The following NELFB variants were observed in gnomAD, a reference collection of about 807,000 sequenced individuals.
The protein encoded by NELFB is negative elongation factor complex member B, also known as negative elongation factor B.
Under a neutral mutation model 60.2 loss-of-function variants are expected in NELFB, and 34 were observed. The observed-to-expected ratio is 0.56, with a 90% confidence interval of 0.43 to 0.75. The LOEUF (loss-of-function observed/expected upper bound fraction) is 0.75, where lower values mean the gene tolerates loss of function less well. NELFB is among the 30% of genes least tolerant of loss of function. NELFB has a pLI of 0.00. For missense variants in NELFB, 770 were observed against 831.6 expected (o/e 0.93, Z 0.91); for synonymous variants, 459 against 382.1 (o/e 1.20, Z -2.35).
intron 10 of NELFB, among the ~76,000 whole-genome samples, chr9:137,270,834 G>A (rs928325946): frequency 3.9e-5 from 6 of 152,124 alleles, no homozygotes; most frequent in African/African-American, 9.7e-5. Context: ...CAGAAGGATC[G>A]CTTGAACCCG....
Position 137,263,705 on chromosome 9 carries a change from G to T in NELFB, c.927+483G>T, listed in dbSNP as rs78297524. On this transcript the variant is annotated intron_variant, in intron 5 of 12. Transcript: ENST00000343053. The stretch of plus-strand genomic sequence containing the variant: ...CTGCATCTGAGCCAGAGACCTGGCC[G>T]TTCCCGGGGACTCCCTTGCCCCGTC... 3.3e-5 allele frequency among the ~76,000 whole-genome samples: 5 copies of T among 151,912 alleles called. No individual in the cohort carries two copies. In the East Asian group the frequency reaches 5.9e-4, roughly 18 times the overall value.
At chr9:137,266,298 C>T (rs1564444548) in intron 7 of NELFB, 33 bp from the exon 8 acceptor site, 1 of 1,586,898 alleles carries the variant, frequency 6.3e-7, no homozygotes. Context: ...ACACAGCTGC[C>T]TGGGAGAGGC....
chr9:137,257,651 C>T (rs1837577095), intron 4 of NELFB, among the ~76,000 whole-genome samples: 1 of 151,920 alleles, frequency 6.6e-6, no homozygotes, highest in Non-Finnish European at 1.5e-5. Context: ...TACAGGCATG[C>T]ATCACCACGC....
At position 137,255,510 on chromosome 9, in the gene NELFB, A is replaced by G. The variant is rs1212404686; in HGVS notation, c.145A>G (p.Met49Val). 6.5e-6 allele frequency: 10 copies of G among 1,534,496 alleles called. No homozygotes were observed. In the East Asian group the frequency reaches 1.0e-4, roughly 16 times the overall value. The change falls in exon 1 of 13, where the codon ATG becomes GTG. Residue 49 changes from methionine (M) to valine (V), a missense_variant. Transcript: ENST00000343053. ...CCGGGCGGTGGCCGGGGCCTCGGCC[A>G]TGTTCGCGGGGCTGCAGGACCTGGG...
chr9:137,266,225 TG>T, intron 7 of NELFB, 105 bp from the exon 8 acceptor site: 1 of 1,009,158 alleles, frequency 9.9e-7, no homozygotes, highest in Non-Finnish European at 1.5e-6. Flanking sequence ...CGTGTGGTCC[TG>T]GCCATGGGCA....
chr9:137,262,797 T>C (rs1830465626), intron 4 of NELFB, among the ~76,000 whole-genome samples: 1 of 151,982 alleles, frequency 6.6e-6, no homozygotes, highest in African/African-American at 2.4e-5. Context: ...AGCAGTGCAC[T>C]CGAGCCTGGG....
At chr9:137,270,513 C>T (rs1830571191) in intron 10 of NELFB, among the ~76,000 whole-genome samples, 1 of 152,166 alleles carries the variant, frequency 6.6e-6, no homozygotes, top group Non-Finnish European at 1.5e-5. Flanking sequence ...TCGCTTGAAC[C>T]CAGGAGGCAG....
intron 10 of NELFB, among the ~76,000 whole-genome samples, chr9:137,267,555 C>T (rs1830536933): frequency 6.8e-6 from 1 of 147,570 alleles, no homozygotes; most frequent in African/African-American, 2.5e-5. Flanking sequence ...TGCAGTGGTG[C>T]AACCTCAGCT....
intron 3 of NELFB, 141 bp from the exon 4 acceptor site, chr9:137,256,683 G>C: frequency 1.3e-6 from 1 of 792,538 alleles, no homozygotes; most frequent in South Asian, 1.8e-5. Flanking sequence ...GACATGCTGG[G>C]GCCGGGGAAC....
intron 4 of NELFB, among the ~76,000 whole-genome samples, chr9:137,259,475 A>T (rs1348903365): frequency 1.3e-5 from 2 of 152,050 alleles, no homozygotes; most frequent in African/African-American, 4.8e-5. Context: ...CATTGCTGTC[A>T]GACAGAGCCC....
rs867700400 is a variant in NELFB, at chr9:137,264,262, C to A, written c.945C>A (p.Asp315Glu). The A allele has an allele frequency of 6.3e-7, 1 of 1,595,550 alleles. No homozygotes were observed. ...CCTTGCAGTTCACCTGGTGCCTGGA[C>A]GCCTGCATCCGAGAGCGGTTCGTGG... is the stretch of plus-strand genomic sequence containing the variant. Residue 315 changes from aspartate (D) to glutamate (E), a missense_variant, in exon 6 of 13, where the codon GAC becomes GAA. Coordinates refer to ENST00000343053, the MANE Select transcript of NELFB (RefSeq NM_015456.5).
intron 4 of NELFB, among the ~76,000 whole-genome samples, chr9:137,260,457 ATT>A (rs141243622): frequency 0.67 from 84,323 of 126,126 alleles, 27,380 homozygotes; most frequent in Admixed American, 0.76. Context: ...AGTTTGTTTT[ATT>A]TTTTTTTTTT....
At chr9:137,265,182 G>A (rs547586550) in intron 6 of NELFB, among the ~76,000 whole-genome samples, 1 of 151,190 alleles carries the variant, frequency 6.6e-6, no homozygotes, top group South Asian at 2.1e-4. Context: ...AGTGCGCCTG[G>A]CCGATTTTTG....
chr9:137,273,273 T>C lies in NELFB; in HGVS notation c.*345T>C. On this transcript the variant is annotated 3_prime_UTR_variant, in exon 13 of 13. Coordinates refer to ENST00000343053, the MANE Select transcript of NELFB (RefSeq NM_015456.5). ...GGCGGGGCCTCTTCATTGGCCCAGC[T>C]TGGCGAAAGCGAGGCACACTGCTTA... The C allele has an allele frequency of 4.0e-6, 1 of 249,854 alleles. No homozygotes were observed. Among genetic ancestry groups the C allele is most frequent in the Non-Finnish European group, 7.7e-6 (1 of 129,432 alleles). 15.5% of individuals were successfully genotyped at this position (249,854 alleles called of 1,614,324 possible).
chr9:137,267,074 A>C lies in NELFB; in HGVS notation c.1370A>C (p.Glu457Ala). The C allele has an allele frequency of 6.2e-7, 1 of 1,614,020 alleles. No individual in the cohort carries two copies. The highest frequency in any genetic ancestry group is 8.5e-7 in the Non-Finnish European group (1 of 1,180,002). Residue 457 changes from glutamate (E) to alanine (A), a missense_variant, in exon 9 of 13, where the codon GAA (glutamate) becomes GCA (alanine). Coordinates refer to ENST00000343053, the MANE Select transcript of NELFB (RefSeq NM_015456.5). ...GTCTCATATCCAAACACACTTCCCG[A>C]AAGCTTCACTAAGTACGGGCTGTAG...
At position 137,272,763 on chromosome 9, in the gene NELFB, A is replaced by G. The variant is rs1564446396; in HGVS notation, c.1741-19A>G. 1.3e-6 allele frequency: 2 copies of G among 1,534,822 alleles called. No homozygotes were observed. The highest frequency in any genetic ancestry group is 1.2e-5 in the South Asian group (1 of 82,484). On this transcript the variant is annotated intron_variant, in intron 12 of 12. Transcript: ENST00000343053. ...CCTGCCCATGCGCCTCGCCTGCCCC[A>G]TGGTGTGGTTCCCCGCAGAGCGGAG...
intron 4 of NELFB, among the ~76,000 whole-genome samples, 187 bp from the exon 5 acceptor site, chr9:137,262,844 AAAAAAT>A (rs1318892780): frequency 6.6e-6 from 1 of 152,238 alleles, no homozygotes; most frequent in Non-Finnish European, 1.5e-5. Context: ...AAAGTAATAA[AAAAAAT>A]AAAAATAACA....
At chr9:137,265,679 G>A (rs1158910945) in intron 6 of NELFB, among the ~76,000 whole-genome samples, 198 bp from the exon 7 acceptor site, 14 of 123,394 alleles carry the variant, frequency 1.1e-4, no homozygotes, top group African/African-American at 2.7e-5. Flanking sequence ...GAGCCGCCGC[G>A]CCCGGCCTGC....
chr9:137,272,323 G>T (rs754466835), intron 11 of NELFB, 101 bp downstream of exon 11: 4 of 1,548,456 alleles, frequency 2.6e-6, no homozygotes, highest in Non-Finnish European at 3.5e-6. Context: ...CGGAGGGTCC[G>T]CAGGTGGGTC....
Sources: gnomAD v4.1 joint callset for allele counts (sites outside exome capture counted in the v4.1 genomes callset) on GRCh38, gnomAD v4.1.1 for gene constraint, MANE v1.5 for transcripts, NCBI Gene and HGNC (gene_info 2026-07-23, HGNC 2026-07-21) for gene names.